ZBTB20: variants seen among roughly 807,000 people sequenced by gnomAD.
ZBTB20 encodes zinc finger and BTB domain-containing protein 20.
In ZBTB20, 9 loss-of-function variants were observed where a neutral mutation model predicts 56.9. That is an observed-to-expected ratio of 0.16 (90% confidence interval 0.10 to 0.28). The LOEUF is 0.28. Ranked by LOEUF, ZBTB20 falls within the 10% of genes least tolerant of loss-of-function variation. The probability of loss-of-function intolerance (pLI) is 1.00; values close to 1 mark genes in which losing one functional copy is unlikely to be tolerated. For synonymous variants in ZBTB20, 417 were observed against 420.7 expected (o/e 0.99, Z 0.11); for missense variants, 655 against 1,003.0 (o/e 0.65, Z 4.69).
intron 7 of ZBTB20, among the ~76,000 whole-genome samples, chr3:114,447,838 T>C (rs1459395073): frequency 1.3e-5 from 2 of 152,152 alleles, no homozygotes; most frequent in Admixed American, 1.3e-4. Flanking sequence ...TGAGCAACCA[T>C]GAAAAACAGC....
intron 5 of ZBTB20, among the ~76,000 whole-genome samples, chr3:114,722,212 T>C (rs1189258261): frequency 6.6e-6 from 1 of 152,160 alleles, no homozygotes; most frequent in East Asian, 1.9e-4. Flanking sequence ...CCTTTCTAAC[T>C]ACATGACATA....
intron 7 of ZBTB20, among the ~76,000 whole-genome samples, chr3:114,450,842 T>C (rs991645488): frequency 6.6e-6 from 1 of 152,136 alleles, no homozygotes; most frequent in South Asian, 2.1e-4. Flanking sequence ...CTGTTTTTCA[T>C]AGCAAGCGTG....
intron 5 of ZBTB20, among the ~76,000 whole-genome samples, chr3:114,701,188 A>G (rs2063369296): frequency 6.6e-6 from 1 of 152,204 alleles, no homozygotes; most frequent in Admixed American, 6.5e-5. Context: ...TGATGTGAAT[A>G]GGCTTTCAGC....
At chr3:114,853,011 T>C (rs2075075184) in intron 4 of ZBTB20, among the ~76,000 whole-genome samples, 1 of 152,266 alleles carries the variant, frequency 6.6e-6, no homozygotes, top group African/African-American at 2.4e-5. Flanking sequence ...TCCTGCCTGA[T>C]ACATTTTCCA....
intron 1 of ZBTB20, among the ~76,000 whole-genome samples, chr3:115,134,924 C>A (rs1166977643): frequency 2.0e-5 from 3 of 152,358 alleles, no homozygotes; most frequent in South Asian, 2.1e-4. Context: ...CTCTGTTGTC[C>A]TATCTCTATT....
At chr3:114,700,942 C>T (rs2063353885) in intron 5 of ZBTB20, among the ~76,000 whole-genome samples, 1 of 152,026 alleles carries the variant, frequency 6.6e-6, no homozygotes, top group Non-Finnish European at 1.5e-5. Context: ...GGTGTTTCTC[C>T]CCTCCTATTT....
chr3:114,894,296 T>C (rs1262230177), intron 4 of ZBTB20, among the ~76,000 whole-genome samples: 2 of 152,220 alleles, frequency 1.3e-5, no homozygotes, highest in African/African-American at 4.8e-5. Context: ...TGCATACATA[T>C]ATTGGATATT....
chr3:114,383,768 C>G (rs1251194701), intron 8 of ZBTB20: 1 of 152,222 alleles, frequency 6.6e-6, no homozygotes, highest in Non-Finnish European at 1.5e-5. Context: ...CACCCGTTTA[C>G]GTCTAGACAT....
At chr3:114,484,771 A>T (rs1018969925) in intron 7 of ZBTB20, among the ~76,000 whole-genome samples, 11 of 151,506 alleles carry the variant, frequency 7.3e-5, no homozygotes, top group African/African-American at 2.7e-4. Flanking sequence ...TGCATCTAAT[A>T]GGCAGGAGAA....
chr3:114,645,979 A>C (rs558396416), intron 6 of ZBTB20, among the ~76,000 whole-genome samples: 7 of 152,082 alleles, frequency 4.6e-5, no homozygotes, highest in African/African-American at 1.7e-4. Context: ...AGAGAAGGTC[A>C]GAAAAGAATA....
At chr3:114,918,313 C>G (rs1355657616) in intron 3 of ZBTB20, among the ~76,000 whole-genome samples, 2 of 152,090 alleles carry the variant, frequency 1.3e-5, no homozygotes, top group African/African-American at 4.8e-5. Context: ...GAACCAAGTC[C>G]TGGATTCAGG....
intron 3 of ZBTB20, among the ~76,000 whole-genome samples, chr3:114,959,432 C>T (rs2077362540): frequency 6.6e-6 from 1 of 151,868 alleles, no homozygotes; most frequent in African/African-American, 2.4e-5. Flanking sequence ...GTGGATTGCC[C>T]ACTGGAGTAT....
intron 4 of ZBTB20, among the ~76,000 whole-genome samples, chr3:114,874,878 C>A (rs1438076512): frequency 6.6e-6 from 1 of 152,170 alleles, no homozygotes; most frequent in Non-Finnish European, 1.5e-5. Flanking sequence ...CCTCTACAGT[C>A]TTTTTGGCTT....
chr3:114,976,827 T>G (rs994625615), intron 2 of ZBTB20, among the ~76,000 whole-genome samples: 1 of 152,132 alleles, frequency 6.6e-6, no homozygotes, highest in Non-Finnish European at 1.5e-5. Flanking sequence ...TTAAGGTTCC[T>G]TAAATAGTGC....
At chr3:115,031,937 G>A (rs1195943992) in intron 2 of ZBTB20, among the ~76,000 whole-genome samples, 3 of 151,392 alleles carry the variant, frequency 2.0e-5, no homozygotes, top group Admixed American at 2.0e-4. Context: ...ATTCAACCCT[G>A]AGTACATCAG....
At chr3:114,559,872 G>A (rs1288495689) in intron 6 of ZBTB20, among the ~76,000 whole-genome samples, 1 of 152,116 alleles carries the variant, frequency 6.6e-6, no homozygotes, top group African/African-American at 2.4e-5. Flanking sequence ...TTCTAATCAT[G>A]TGGAAAGCCC....
intron 2 of ZBTB20, among the ~76,000 whole-genome samples, chr3:115,035,299 A>C (rs904772860): frequency 6.6e-6 from 1 of 152,122 alleles, no homozygotes. Flanking sequence ...ATAAGGGAAC[A>C]TGTTTGCAAG....
chr3:115,023,355 G>A (rs528716648), intron 2 of ZBTB20, among the ~76,000 whole-genome samples: 46 of 150,842 alleles, frequency 3.0e-4, no homozygotes, highest in Non-Finnish European at 5.9e-4. Flanking sequence ...CAATTCTGTT[G>A]AATCCCATAA....
Position 114,333,767 on chromosome 3 carries a change from AAG to A in ZBTB20, c.*5236_*5237del, listed in dbSNP as rs771706017. 4.6e-5 allele frequency: 7 copies of A among 152,144 alleles called. No homozygotes were observed. The highest frequency in any genetic ancestry group is 1.4e-4 in the African/African-American group (6 of 41,424). The allele number at this position is 152,144 out of a possible 1,614,324, so 9.4% of individuals were successfully genotyped here. On this transcript the variant is annotated 3_prime_UTR_variant, in exon 12 of 12. Transcript: ENST00000675478. Reference sequence around the variant, plus strand: ...TTTCTCAGAGCCAGAAATCACTGAAAAGAGAGTCTGTCGACCCTGCCCATGGA... The same window carrying A: ...TTTCTCAGAGCCAGAAATCACTGAAAAGAGTCTGTCGACCCTGCCCATGGA...
Sources: gnomAD v4.1 joint callset for allele counts (sites outside exome capture counted in the v4.1 genomes callset) on GRCh38, gnomAD v4.1.1 for gene constraint, MANE v1.5 for transcripts, NCBI Gene and HGNC (gene_info 2026-07-23, HGNC 2026-07-21) for gene names.